CCDC169: variants seen among roughly 807,000 people sequenced by gnomAD.
The protein encoded by CCDC169 is coiled-coil domain-containing protein 169.
In CCDC169, 30 loss-of-function variants were observed where a neutral mutation model predicts 36.0. The observed-to-expected ratio is 0.83, with a 90% CI of 0.62 to 1.13. The LOEUF (loss-of-function observed/expected upper bound fraction) is 1.13, where lower values mean the gene tolerates loss of function less well. CCDC169 is among the 50% of genes most tolerant of loss of function. The probability of loss-of-function intolerance (pLI) is 0.00; values close to 1 mark genes in which losing one functional copy is unlikely to be tolerated. For missense variants in CCDC169, 245 were observed against 245.9 expected (o/e 1.00, Z 0.03); for synonymous variants, 85 against 81.5 (o/e 1.04, Z -0.23).
At chr13:36,245,511 T>C (rs566910353) in intron 7 of CCDC169, among the ~76,000 whole-genome samples, 2 of 152,196 alleles carry the variant, frequency 1.3e-5, no homozygotes, top group South Asian at 4.2e-4. Context: ...TTTCCCAAGT[T>C]GGTCTTGAAC....
At chr13:36,240,772 C>T (rs1184827319) in intron 7 of CCDC169, 2 of 348,534 alleles carry the variant, frequency 5.7e-6, no homozygotes, top group Non-Finnish European at 1.0e-5. Flanking sequence ...GAGCTCCTTG[C>T]TTTCGGGAAT....
intron 4 of CCDC169, among the ~76,000 whole-genome samples, chr13:36,257,737 AC>A (rs1257644084): frequency 6.6e-6 from 1 of 151,572 alleles, no homozygotes; most frequent in East Asian, 1.9e-4. Context: ...TTTCTACCTT[AC>A]TAGATTGAGC....
intron 7 of CCDC169, among the ~76,000 whole-genome samples, chr13:36,235,237 C>T (rs961489231): frequency 6.5e-4 from 98 of 151,680 alleles, no homozygotes; most frequent in African/African-American, 2.3e-3. Flanking sequence ...AATTCTACCA[C>T]ATATTAAATC....
intron 5 of CCDC169, 83 bp downstream of exon 5, chr13:36,253,962 G>GCATTTTGTT: frequency 1.5e-6 from 1 of 657,608 alleles, no homozygotes; most frequent in Non-Finnish European, 2.3e-6. Context: ...ATAGTTTTGT[G>GCATTTTGTT]TTAATTATAG....
At chr13:36,279,823 A>C (rs944740560) in intron 4 of CCDC169, among the ~76,000 whole-genome samples, 1 of 152,230 alleles carries the variant, frequency 6.6e-6, no homozygotes, top group Admixed American at 6.5e-5. Flanking sequence ...ATCAGAGATC[A>C]TACAACTGCA....
intron 4 of CCDC169, 141 bp downstream of exon 4, chr13:36,283,328 T>A (rs575233987): frequency 2.6e-6 from 2 of 774,044 alleles, no homozygotes; most frequent in East Asian, 5.4e-5. Context: ...AATTATTTGT[T>A]GTCCTTCAAA....
intron 4 of CCDC169, among the ~76,000 whole-genome samples, chr13:36,272,581 A>G (rs1876246616): frequency 6.6e-6 from 1 of 151,950 alleles, no homozygotes; most frequent in Non-Finnish European, 1.5e-5. Context: ...TTCCCAATCA[A>G]CACACTAACT....
chr13:36,230,830 CA>C lies in CCDC169; in HGVS notation c.*362del. ...CTGAGCAAGATCCAGCCCAAAATGG[CA>C]AAAAGGTTTTATGAATACACACTTT... is the stretch of plus-strand genomic sequence containing the variant. On this transcript the variant is annotated 3_prime_UTR_variant, in exon 8 of 8. Transcript: ENST00000239859. 20 of 991,736 alleles carry C rather than the reference CA, an allele frequency of 2.0e-5. No homozygotes were observed. The highest frequency in any genetic ancestry group is 2.4e-5 in the Non-Finnish European group (20 of 834,534). 61.4% of individuals were successfully genotyped at this position (991,736 alleles called of 1,614,324 possible).
intron 4 of CCDC169, among the ~76,000 whole-genome samples, chr13:36,275,058 C>CG (rs1378993777): frequency 6.6e-6 from 1 of 151,848 alleles, no homozygotes. Flanking sequence ...TTAGTAGAGA[C>CG]GGGGTTTCAC....
In CCDC169 at chr13:36,230,880, A is replaced by G; in HGVS notation, c.*313T>C. The G allele has an allele frequency of 2.9e-6, 3 of 1,020,590 alleles. No homozygotes were observed. The highest frequency in any genetic ancestry group is 3.5e-6 in the Non-Finnish European group (3 of 853,874). The allele number at this position is 1,020,590 out of a possible 1,614,324, so 63.2% of individuals were successfully genotyped here. ...TTTTGCTAACAGTCAACTAGAAACCAAATAGAATAGCAACGTTACTATCAG... is the reference window on the plus strand; with the variant it reads ...TTTTGCTAACAGTCAACTAGAAACCGAATAGAATAGCAACGTTACTATCAG... On this transcript the variant is annotated 3_prime_UTR_variant, in exon 8 of 8. Coordinates refer to ENST00000239859, the MANE Select transcript of CCDC169 (RefSeq NM_001144981.3).
At chr13:36,260,108 T>C (rs1314109106) in intron 4 of CCDC169, among the ~76,000 whole-genome samples, 1 of 152,258 alleles carries the variant, frequency 6.6e-6, no homozygotes, top group Non-Finnish European at 1.5e-5. Flanking sequence ...GCTAATATAT[T>C]TCTATCTAAC....
intron 4 of CCDC169, chr13:36,281,211 A>G: frequency 2.3e-6 from 1 of 431,386 alleles, no homozygotes; most frequent in Non-Finnish European, 4.6e-6. Flanking sequence ...GGATTCCTGA[A>G]GGCATTATAC....
chr13:36,264,582 C>T (rs1414223654), intron 4 of CCDC169, among the ~76,000 whole-genome samples: 1 of 152,178 alleles, frequency 6.6e-6, no homozygotes, highest in African/African-American at 2.4e-5. Context: ...GTGGCAGTCT[C>T]TCTGACAGAG....
At chr13:36,281,751 A>G (rs1877567002) in intron 4 of CCDC169, among the ~76,000 whole-genome samples, 1 of 152,128 alleles carries the variant, frequency 6.6e-6, no homozygotes, top group South Asian at 2.1e-4. Flanking sequence ...AGTCCCAGCT[A>G]TTCAGGAGGC....
At chr13:36,249,578 T>G (rs1290349183) in intron 6 of CCDC169, among the ~76,000 whole-genome samples, 4 of 152,178 alleles carry the variant, frequency 2.6e-5, no homozygotes, top group African/African-American at 9.7e-5. Context: ...TTCATGAAGT[T>G]TGGCTGAGAA....
chr13:36,232,720 A>C (rs1292330800), intron 7 of CCDC169, among the ~76,000 whole-genome samples: 1 of 63,318 alleles, frequency 1.6e-5, no homozygotes, highest in Non-Finnish European at 4.4e-5. Context: ...GTCTCAAAAA[A>C]AAAAAAGAAT....
intron 4 of CCDC169, among the ~76,000 whole-genome samples, chr13:36,271,416 A>G (rs1188725091): frequency 6.6e-6 from 1 of 152,200 alleles, no homozygotes; most frequent in Non-Finnish European, 1.5e-5. Flanking sequence ...ATATCTACCC[A>G]AAGAAAAAGA....
At chr13:36,287,733 T>C (rs1428315875) in intron 2 of CCDC169, among the ~76,000 whole-genome samples, 1 of 152,218 alleles carries the variant, frequency 6.6e-6, no homozygotes, top group Non-Finnish European at 1.5e-5. Context: ...ATTGTCCCCA[T>C]ACATTTTTGT....
chr13:36,227,255 G>A, downstream of CCDC169: 1 of 1,551,356 alleles, frequency 6.4e-7, no homozygotes, highest in Non-Finnish European at 8.7e-7. Context: ...CATGTAAGCA[G>A]GCGGGCCAGA....
Sources: gnomAD v4.1 joint callset for allele counts (sites outside exome capture counted in the v4.1 genomes callset) on GRCh38, gnomAD v4.1.1 for gene constraint, MANE v1.5 for transcripts, NCBI Gene and HGNC (gene_info 2026-07-23, HGNC 2026-07-21) for gene names.